The following UNC5D variants were observed in gnomAD, a reference collection of about 807,000 sequenced individuals.
UNC5D encodes netrin receptor UNC5D.
A neutral mutation model predicts 105.4 loss-of-function variants in UNC5D; 39 were observed. The observed-to-expected ratio is 0.37, with a 90% CI of 0.29 to 0.48. UNC5D has a LOEUF of 0.48. Ranked by LOEUF, UNC5D falls within the 20% of genes least tolerant of loss-of-function variation. The pLI is 0.98. For synonymous variants in UNC5D, 452 were observed against 450.4 expected (o/e 1.00, Z -0.04); for missense variants, 991 against 1,202.4 (o/e 0.82, Z 2.60).
At chr8:35,703,864 C>T (rs1440765871) in intron 7 of UNC5D, among the ~76,000 whole-genome samples, 1 of 152,176 alleles carries the variant, frequency 6.6e-6, no homozygotes, top group Non-Finnish European at 1.5e-5. Flanking sequence ...CGCTGTGCCC[C>T]ATGCCAAATG....
intron 2 of UNC5D, among the ~76,000 whole-genome samples, chr8:35,567,171 T>G (rs1423741801): frequency 2.0e-5 from 3 of 152,170 alleles, no homozygotes; most frequent in Admixed American, 2.0e-4. Context: ...AAACCCCCCT[T>G]TCTTCACCTC....
rs1031842737 is a variant in UNC5D at position 35,318,846 on chromosome 8, G to A, written c.103+82959G>A. Reference sequence around the variant, plus strand: ...TTTGATAATGAGGCAAAAAATATGTGGTTTCTAGAATTAGCTGTAACCTAT... The same window carrying A: ...TTTGATAATGAGGCAAAAAATATGTAGTTTCTAGAATTAGCTGTAACCTAT... On this transcript the variant is annotated intron_variant, in intron 1 of 16. Coordinates refer to ENST00000404895, the MANE Select transcript of UNC5D (RefSeq NM_080872.4). 3.3e-5 allele frequency among the ~76,000 whole-genome samples: 5 copies of A among 152,034 alleles called. No individual in the cohort carries two copies. In the South Asian group the frequency reaches 1.0e-3, roughly 32 times the overall value.
In UNC5D at chr8:35,414,620, A is replaced by G. The variant is rs149883989; in HGVS notation, c.104-134672A>G. On this transcript the variant is annotated intron_variant, in intron 1 of 16. Transcript: ENST00000404895. ...ATTACACAGGCCATAAGTTTAGAGG[A>G]ATTTGAGGAAAATTTCTGAGGAAGT... is the stretch of plus-strand genomic sequence containing the variant. Among the ~76,000 whole-genome samples, 397 of 152,198 alleles carry G rather than the reference A, an allele frequency of 2.6e-3. 2 individuals carry two copies. The highest frequency in any genetic ancestry group is 9.0e-3 in the African/African-American group (372 of 41,544).
chr8:35,626,844 T>A (rs1251126098), intron 4 of UNC5D, among the ~76,000 whole-genome samples: 2 of 152,214 alleles, frequency 1.3e-5, no homozygotes, highest in African/African-American at 2.4e-5. Flanking sequence ...TACTTTTTTT[T>A]TTCTCCCAGG....
intron 1 of UNC5D, among the ~76,000 whole-genome samples, chr8:35,485,229 C>T (rs1390134829): frequency 6.6e-6 from 1 of 152,112 alleles, no homozygotes; most frequent in Non-Finnish European, 1.5e-5. Flanking sequence ...AGTATTTGGC[C>T]TCAAGTTCAT....
At chr8:35,558,393 T>C (rs1816707540) in intron 2 of UNC5D, among the ~76,000 whole-genome samples, 1 of 152,084 alleles carries the variant, frequency 6.6e-6, no homozygotes, top group African/African-American at 2.4e-5. Context: ...AAGACCAAAA[T>C]GCCTGTGATG....
intron 1 of UNC5D, among the ~76,000 whole-genome samples, chr8:35,404,117 G>C (rs1804652430): frequency 6.6e-6 from 1 of 152,168 alleles, no homozygotes; most frequent in African/African-American, 2.4e-5. Context: ...AGTTGCTAGA[G>C]CCTCTCTTAT....
intron 1 of UNC5D, among the ~76,000 whole-genome samples, chr8:35,502,263 A>G (rs1350050947): frequency 6.6e-6 from 1 of 152,238 alleles, no homozygotes; most frequent in African/African-American, 2.4e-5. Context: ...GGGTGAACTT[A>G]GAGATGAGGG....
At chr8:35,244,845 C>T (rs747709701) in intron 1 of UNC5D, among the ~76,000 whole-genome samples, 7 of 151,810 alleles carry the variant, frequency 4.6e-5, no homozygotes, top group Non-Finnish European at 7.4e-5. Context: ...ACTCTCTTCT[C>T]TGCACATTTT....
intron 16 of UNC5D, 36 bp from the exon 17 acceptor site, chr8:35,790,323 T>C (rs1489369096): frequency 1.9e-6 from 3 of 1,592,168 alleles, no homozygotes; most frequent in South Asian, 1.1e-5. Flanking sequence ...TTTTCATGTT[T>C]CGTTTTGTTC....
intron 14 of UNC5D, among the ~76,000 whole-genome samples, chr8:35,761,883 T>C (rs1479311675): frequency 1.3e-5 from 2 of 151,998 alleles, no homozygotes; most frequent in Non-Finnish European, 2.9e-5. Flanking sequence ...TTGAACCTCA[T>C]GTAGAACATC....
intron 1 of UNC5D, among the ~76,000 whole-genome samples, chr8:35,458,226 T>C (rs151175687): frequency 6.6e-6 from 1 of 152,188 alleles, no homozygotes; most frequent in Non-Finnish European, 1.5e-5. Flanking sequence ...ACTTCCCTCA[T>C]AGGCAGACTG....
At chr8:35,384,870 A>G (rs908205428) in intron 1 of UNC5D, among the ~76,000 whole-genome samples, 7 of 152,208 alleles carry the variant, frequency 4.6e-5, no homozygotes, top group African/African-American at 1.7e-4. Flanking sequence ...GGGAGTGTCT[A>G]GGCACCCCAG....
intron 3 of UNC5D, among the ~76,000 whole-genome samples, chr8:35,586,333 G>A (rs1460821983): frequency 6.6e-6 from 1 of 152,190 alleles, no homozygotes; most frequent in African/African-American, 2.4e-5. Context: ...AGCCACGCTT[G>A]CGGGAGGAGC....
intron 4 of UNC5D, among the ~76,000 whole-genome samples, chr8:35,606,234 G>A (rs1048129881): frequency 6.6e-6 from 1 of 151,940 alleles, no homozygotes; most frequent in Non-Finnish European, 1.5e-5. Flanking sequence ...GATCCACCCA[G>A]CTCATCCTCT....
At chr8:35,359,065 C>G (rs892107785) in intron 1 of UNC5D, among the ~76,000 whole-genome samples, 1 of 152,146 alleles carries the variant, frequency 6.6e-6, no homozygotes, top group Non-Finnish European at 1.5e-5. Context: ...GCAGGAGGAT[C>G]ACTTGAGCCC....
At chr8:35,733,056 CT>C (rs1216298056) in intron 11 of UNC5D, among the ~76,000 whole-genome samples, 2 of 151,450 alleles carry the variant, frequency 1.3e-5, no homozygotes, top group African/African-American at 4.9e-5. Context: ...CACTTTAGAT[CT>C]GTGAGGTATG....
chr8:35,310,524 G>A lies in UNC5D; in HGVS notation c.103+74637G>A, dbSNP rs138125686. 1.9e-4 allele frequency among the ~76,000 whole-genome samples: 29 copies of A among 152,196 alleles called. No homozygotes were observed. The East Asian group carries it at 4.8e-3, about 25-fold the overall frequency. ...AATCCCACCTACAGGGGTGACTGAG[G>A]CAGGAGAATTGCTTGAACCCAGGAG... On this transcript the variant is annotated intron_variant, in intron 1 of 16. Coordinates refer to ENST00000404895, the MANE Select transcript of UNC5D (RefSeq NM_080872.4).
chr8:35,551,914 G>A (rs1008147113), intron 2 of UNC5D, among the ~76,000 whole-genome samples: 1 of 152,072 alleles, frequency 6.6e-6, no homozygotes, highest in Non-Finnish European at 1.5e-5. Context: ...AAAAAGATAT[G>A]TAGGTAAAAC....
Sources: allele counts gnomAD v4.1 joint callset (sites outside exome capture counted in the v4.1 genomes callset), GRCh38; gene constraint gnomAD v4.1.1; transcripts MANE v1.5; gene names NCBI Gene and HGNC (gene_info 2026-07-23, HGNC 2026-07-21).